UBE3D: variants seen among roughly 807,000 people sequenced by gnomAD.
UBE3D encodes the protein ubiquitin protein ligase E3D.
Under a neutral mutation model 49.6 loss-of-function variants are expected in UBE3D, and 48 were observed. That is an observed-to-expected ratio of 0.97 (90% CI 0.77 to 1.23). The LOEUF (loss-of-function observed/expected upper bound fraction) is 1.23, where lower values mean the gene tolerates loss of function less well. UBE3D is among the 50% of genes most tolerant of loss of function. The pLI, the probability that UBE3D is intolerant of heterozygous loss-of-function variation, is 0.00. For synonymous variants in UBE3D, 189 were observed against 174.2 expected (o/e 1.08, Z -0.67); for missense variants, 452 against 468.4 (o/e 0.96, Z 0.32).
At chr6:82,886,361 C>A in the UBE3D span, among the ~76,000 whole-genome samples, 1 of 152,154 alleles carries the variant, frequency 6.6e-6, no homozygotes, top group Non-Finnish European at 1.5e-5. Context: ...CAATTCAGAA[C>A]AAGGTTCACC....
At chr6:83,059,225 A>C (rs748073390) in intron 1 of UBE3D, among the ~76,000 whole-genome samples, 17 of 152,104 alleles carry the variant, frequency 1.1e-4, no homozygotes, top group Non-Finnish European at 2.1e-4. Flanking sequence ...CTACAAAAAA[A>C]TAAAAAATAA....
At chr6:83,058,382 A>G (rs1163415070) in intron 1 of UBE3D, among the ~76,000 whole-genome samples, 6 of 152,234 alleles carry the variant, frequency 3.9e-5, no homozygotes, top group Non-Finnish European at 8.8e-5. Flanking sequence ...ATACAAGACA[A>G]AAACCTGTCA....
intron 9 of UBE3D, among the ~76,000 whole-genome samples, chr6:82,904,841 T>C (rs1771985035): frequency 1.3e-5 from 2 of 152,168 alleles, no homozygotes; most frequent in African/African-American, 4.8e-5. Context: ...ATTGCAGATA[T>C]TGCATCTGAA....
In UBE3D at chr6:83,024,057, A is replaced by G. The variant is rs1304770004; in HGVS notation, c.668-19T>C. 7.0e-7 allele frequency: 1 copy of G among 1,434,476 alleles called. No homozygotes were observed. Among genetic ancestry groups the G allele is most frequent in the Non-Finnish European group, 9.4e-7 (1 of 1,063,546 alleles). 88.9% of individuals were successfully genotyped at this position (1,434,476 alleles called of 1,614,324 possible). On this transcript the variant is annotated intron_variant, in intron 5 of 9. Transcript: ENST00000369747. ...GTGGTTTCTAGAAACAAAAAAGAAA[A>G]TTAAGACTCTCCCCAATACACTAAT...
intron 8 of UBE3D, among the ~76,000 whole-genome samples, chr6:82,981,276 A>C (rs1778103689): frequency 6.6e-6 from 1 of 152,098 alleles, no homozygotes; most frequent in African/African-American, 2.4e-5. Flanking sequence ...TAAGCTTCAA[A>C]GCTTTCTTGT....
chr6:83,026,859 T>C (rs993440601), intron 5 of UBE3D, among the ~76,000 whole-genome samples: 1 of 152,052 alleles, frequency 6.6e-6, no homozygotes, highest in South Asian at 2.1e-4. Context: ...GCCCAGTTAA[T>C]TTTTTGTAGA....
chr6:83,064,229 A>C (rs200837673), intron 1 of UBE3D, among the ~76,000 whole-genome samples: 187 of 151,652 alleles, frequency 1.2e-3, no homozygotes, highest in African/African-American at 4.2e-3. Context: ...TTTTCTTTTT[A>C]TTTTTTATTT....
chr6:82,934,580 G>A (rs759269539), intron 9 of UBE3D, among the ~76,000 whole-genome samples: 1 of 152,016 alleles, frequency 6.6e-6, no homozygotes, highest in African/African-American at 2.4e-5. Flanking sequence ...TTGTGGGAAG[G>A]AGTAAGGAGG....
intron 8 of UBE3D, among the ~76,000 whole-genome samples, chr6:83,010,215 T>C (rs935573509): frequency 1.2e-4 from 18 of 152,166 alleles, no homozygotes; most frequent in Admixed American, 2.0e-4. Context: ...AATAATCATT[T>C]TGAAATAAAT....
intron 1 of UBE3D, among the ~76,000 whole-genome samples, chr6:83,062,485 T>C (rs1433109860): frequency 6.6e-6 from 1 of 152,070 alleles, no homozygotes; most frequent in African/African-American, 2.4e-5. Flanking sequence ...GCCCTATGTC[T>C]CAACACTGCC....
intron 9 of UBE3D, among the ~76,000 whole-genome samples, chr6:82,957,021 C>T (rs542729738): frequency 1.3e-5 from 2 of 151,908 alleles, no homozygotes; most frequent in Admixed American, 1.3e-4. Context: ...CCCAGCTACT[C>T]GGGAGGCTGA....
chr6:83,015,823 C>G (rs544009785), intron 8 of UBE3D, among the ~76,000 whole-genome samples: 6 of 152,274 alleles, frequency 3.9e-5, no homozygotes, highest in Admixed American at 3.3e-4. Flanking sequence ...GGTGTATCTT[C>G]TCAGACAAAG....
At chr6:82,927,601 T>C (rs1049715696) in intron 9 of UBE3D, among the ~76,000 whole-genome samples, 30 of 152,136 alleles carry the variant, frequency 2.0e-4, no homozygotes, top group African/African-American at 6.8e-4. Flanking sequence ...GATTTATATC[T>C]ACATATTTCA....
In UBE3D at chr6:83,065,797, G is replaced by A. The variant is rs1004288949; in HGVS notation, c.-79C>T. The A allele has an allele frequency of 2.5e-5, 36 of 1,425,544 alleles. No individual in the cohort carries two copies. The highest frequency in any genetic ancestry group is 3.2e-5 in the Non-Finnish European group (33 of 1,037,794). 88.3% of individuals were successfully genotyped at this position (1,425,544 alleles called of 1,614,324 possible). A position where few individuals can be genotyped will look rare whatever the true frequency, so the allele number is the denominator to read the frequency against. On this transcript the variant is annotated 5_prime_UTR_variant, in exon 1 of 10. It adds an upstream start codon to the 5' untranslated region. Coordinates refer to ENST00000369747, the MANE Select transcript of UBE3D (RefSeq NM_198920.3). ...TCAACAGGACCAGGAGAGGTTCCAC[G>A]TGCGGACCAACCAGCGGCAGCCCCG...
intron 8 of UBE3D, among the ~76,000 whole-genome samples, chr6:82,979,731 A>T (rs976993097): frequency 6.6e-6 from 1 of 152,084 alleles, no homozygotes; most frequent in African/African-American, 2.4e-5. Context: ...CAAATCAAGT[A>T]ATTTCTCATT....
intron 3 of UBE3D, among the ~76,000 whole-genome samples, chr6:83,048,079 CAAAAAA>C (rs35344320): frequency 4.2e-5 from 2 of 48,062 alleles, no homozygotes; most frequent in East Asian, 7.2e-4. Flanking sequence ...GACTCCAGCT[CAAAAAA>C]AAAAAAAAAA....
chr6:82,910,777 T>C (rs752110692), intron 9 of UBE3D, among the ~76,000 whole-genome samples: 1 of 152,284 alleles, frequency 6.6e-6, no homozygotes, highest in East Asian at 1.9e-4. Context: ...ATAAACTCAA[T>C]TGGCAACTGA....
chr6:83,014,877 C>T (rs1780587700), intron 8 of UBE3D, among the ~76,000 whole-genome samples: 1 of 152,170 alleles, frequency 6.6e-6, no homozygotes, highest in Non-Finnish European at 1.5e-5. Flanking sequence ...TTTTATAATT[C>T]AAATTAGTCT....
At chr6:83,004,319 G>A (rs1383772865) in intron 8 of UBE3D, among the ~76,000 whole-genome samples, 2 of 152,046 alleles carry the variant, frequency 1.3e-5, no homozygotes, top group Non-Finnish European at 2.9e-5. Context: ...ATATTTTATG[G>A]TGAGAGACTA....
Sources: allele counts gnomAD v4.1 joint callset (sites outside exome capture counted in the v4.1 genomes callset), GRCh38; gene constraint gnomAD v4.1.1; transcripts MANE v1.5; gene names NCBI Gene and HGNC (gene_info 2026-07-23, HGNC 2026-07-21).